ASPH: variants seen among roughly 807,000 people sequenced by gnomAD.
ASPH encodes aspartate beta-hydroxylase, also known as aspartyl/asparaginyl beta-hydroxylase.
Under a neutral mutation model 118.4 loss-of-function variants are expected in ASPH, and 100 were observed. The observed-to-expected ratio is 0.84, with a 90% CI of 0.72 to 1.00. The LOEUF (loss-of-function observed/expected upper bound fraction) is 1.00. ASPH is among the 50% of genes least tolerant of loss of function. The pLI is 0.00. For missense variants in ASPH, 920 were observed against 919.5 expected (o/e 1.00, Z -0.01); for synonymous variants, 315 against 325.6 (o/e 0.97, Z 0.35).
intron 14 of ASPH, among the ~76,000 whole-genome samples, chr8:61,612,181 A>G (rs1261806865): frequency 6.6e-6 from 1 of 152,200 alleles, no homozygotes; most frequent in African/African-American, 2.4e-5. Flanking sequence ...TGGAATCTTA[A>G]TAGTGAAATG....
chr8:61,664,566 A>T, intron 3 of ASPH: 1 of 985,208 alleles, frequency 1.0e-6, no homozygotes, highest in Non-Finnish European at 1.2e-6. Context: ...TGTTGTAGGG[A>T]GGTCAGGAGT....
At chr8:61,622,492 A>C (rs1428418628) in intron 13 of ASPH, among the ~76,000 whole-genome samples, 2 of 152,136 alleles carry the variant, frequency 1.3e-5, no homozygotes, top group African/African-American at 2.4e-5. Context: ...GCATTACCAC[A>C]CTGGCATCTG....
chr8:61,663,911 A>G, intron 3 of ASPH: 2 of 916,086 alleles, frequency 2.2e-6, no homozygotes, highest in African/African-American at 3.6e-5. Flanking sequence ...ACTTAAACAT[A>G]CTCATTTCTG....
At chr8:61,650,081 A>G (rs1220142777) in intron 5 of ASPH, among the ~76,000 whole-genome samples, 1 of 152,090 alleles carries the variant, frequency 6.6e-6, no homozygotes, top group Non-Finnish European at 1.5e-5. Flanking sequence ...ATATTTTATT[A>G]CCATGACAGC....
Position 61,512,423 on chromosome 8 carries a change from C to T in ASPH, c.2126+5105G>A, listed in dbSNP as rs115869773. On this transcript the variant is annotated intron_variant, in intron 24 of 24. Coordinates refer to ENST00000379454, the MANE Select transcript of ASPH (RefSeq NM_004318.4). Reference sequence around the variant, plus strand: ...AACACAGAGGCAGGGACTGAAGTGACGTGTCTATAAACCAAAGAACACCAA... The same window carrying T: ...AACACAGAGGCAGGGACTGAAGTGATGTGTCTATAAACCAAAGAACACCAA... 5.2e-3 allele frequency among the ~76,000 whole-genome samples: 788 copies of T among 152,226 alleles called. 4 individuals are homozygous for T. The highest frequency in any genetic ancestry group is 0.018 in the African/African-American group (732 of 41,536).
chr8:61,630,042 T>C (rs1292689102), intron 13 of ASPH, among the ~76,000 whole-genome samples: 1 of 152,174 alleles, frequency 6.6e-6, no homozygotes, highest in Non-Finnish European at 1.5e-5. Flanking sequence ...GCAGAGCGCC[T>C]ACATAATGCT....
chr8:61,603,108 G>C (rs931810484), intron 14 of ASPH, among the ~76,000 whole-genome samples: 5 of 146,140 alleles, frequency 3.4e-5, no homozygotes, highest in Non-Finnish European at 5.9e-5. Flanking sequence ...CAGGAGAATC[G>C]CTTGAGCCTG....
intron 13 of ASPH, chr8:61,632,040 C>G (rs1045162278): frequency 3.5e-4 from 53 of 152,188 alleles, no homozygotes; most frequent in African/African-American, 1.2e-3. Context: ...TGATCTACCT[C>G]TAAGATCAGG....
At chr8:61,709,055 G>C (rs555758446) in intron 1 of ASPH, among the ~76,000 whole-genome samples, 39 of 152,226 alleles carry the variant, frequency 2.6e-4, no homozygotes, top group Admixed American at 9.2e-4. Flanking sequence ...TATTCACCAA[G>C]GGAGCTCAAC....
Position 61,518,074 on chromosome 8 carries a change from T to C in ASPH, c.1950A>G (p.Leu650=), listed in dbSNP as rs1430474202. 2 of 1,613,902 alleles carry C rather than the reference T, an allele frequency of 1.2e-6. No individual in the cohort carries two copies. Among genetic ancestry groups the C allele is most frequent in the African/African-American group, 1.3e-5 (1 of 74,912 alleles). ...CTGTTGTCTCGGGGAACTTTTCTAG[T>C]AAGGTACAGGTTTTAGGAGCTCCTT... ...ACKGAPKTCT[L]LEKFPETTGC... The change falls in exon 23 of 25, where the codon TTA becomes TTG. Residue 650 remains leucine, a synonymous_variant. Coordinates refer to ENST00000379454, the MANE Select transcript of ASPH (RefSeq NM_004318.4).
At chr8:61,696,659 T>G (rs1833988862) in intron 1 of ASPH, among the ~76,000 whole-genome samples, 1 of 51,860 alleles carries the variant, frequency 1.9e-5, no homozygotes, top group East Asian at 4.8e-4. Context: ...GACGGTCTCA[T>G]AGAAAAAAAA....
chr8:61,630,572 T>C (rs948711479), intron 13 of ASPH, among the ~76,000 whole-genome samples: 32 of 152,300 alleles, frequency 2.1e-4, no homozygotes, highest in African/African-American at 7.5e-4. Context: ...GTGGTCCCAT[T>C]TGATAATGAA....
chr8:61,690,619 A>C (rs1361667288), intron 1 of ASPH, among the ~76,000 whole-genome samples: 2 of 152,324 alleles, frequency 1.3e-5, no homozygotes, highest in Admixed American at 1.3e-4. Flanking sequence ...TAGAGTTCTG[A>C]TTAGTATACT....
intron 14 of ASPH, among the ~76,000 whole-genome samples, chr8:61,609,414 A>G (rs1846618018): frequency 1.3e-5 from 2 of 152,110 alleles, no homozygotes; most frequent in South Asian, 4.1e-4. Flanking sequence ...TCTTCATTCC[A>G]TGCTCACCCA....
At chr8:61,682,216 T>A (rs1432991467) in intron 2 of ASPH, among the ~76,000 whole-genome samples, 1 of 152,038 alleles carries the variant, frequency 6.6e-6, no homozygotes, top group African/African-American at 2.4e-5. Flanking sequence ...AAGGATGTTA[T>A]TTCAACTGCT....
chr8:61,523,816 G>A (rs75806933), intron 22 of ASPH, among the ~76,000 whole-genome samples: 13,572 of 151,652 alleles, frequency 0.089, 683 homozygotes, highest in Non-Finnish European at 0.12. Flanking sequence ...CAGGCTGAGT[G>A]GAGTGGCTTA....
rs1836250069 is a variant in ASPH, at chr8:61,578,717, C to T, written c.1063-1859G>A. Reference sequence around the variant, plus strand: ...AGCTGAAGCTGGAGGCGGAGCTTGGCAACATGCAGAGGCTGGTGGAGGACT... The same window carrying T: ...AGCTGAAGCTGGAGGCGGAGCTTGGTAACATGCAGAGGCTGGTGGAGGACT... On this transcript the variant is annotated intron_variant, in intron 15 of 24. Coordinates refer to ENST00000379454, the MANE Select transcript of ASPH (RefSeq NM_004318.4). 23 of 1,608,052 alleles carry T rather than the reference C, an allele frequency of 1.4e-5. No individual in the cohort carries two copies. The South Asian group carries it at 2.2e-4, about 15-fold the overall frequency.
intron 14 of ASPH, among the ~76,000 whole-genome samples, chr8:61,592,262 G>C (rs780511163): frequency 3.9e-5 from 6 of 152,100 alleles, no homozygotes; most frequent in Non-Finnish European, 8.8e-5. Context: ...CTTATTTTTA[G>C]TTACTTTAAA....
intron 24 of ASPH, among the ~76,000 whole-genome samples, chr8:61,507,037 C>T (rs1011107225): frequency 7.9e-5 from 12 of 152,120 alleles, no homozygotes; most frequent in Non-Finnish European, 1.6e-4. Flanking sequence ...CTAGCCCACA[C>T]AAAATGACAT....
Sources: allele counts gnomAD v4.1 joint callset (sites outside exome capture counted in the v4.1 genomes callset), GRCh38; gene constraint gnomAD v4.1.1; transcripts MANE v1.5; gene names NCBI Gene and HGNC (gene_info 2026-07-23, HGNC 2026-07-21).